AOPEP: variants seen among roughly 807,000 people sequenced by gnomAD.
AOPEP encodes aminopeptidase O (putative).
A neutral mutation model predicts 98.1 loss-of-function variants in AOPEP; 77 were observed. That is an observed-to-expected ratio of 0.78 (90% CI 0.65 to 0.95). AOPEP has a LOEUF of 0.95. Ranked by LOEUF, AOPEP falls within the 40% of genes least tolerant of loss-of-function variation. AOPEP has a pLI of 0.00. For synonymous variants in AOPEP, 346 were observed against 365.3 expected (o/e 0.95, Z 0.60); for missense variants, 1,024 against 1,024.7 (o/e 1.00, Z 0.01).
At chr9:94,989,922 A>G (rs961807654) in intron 11 of AOPEP, among the ~76,000 whole-genome samples, 19 of 152,098 alleles carry the variant, frequency 1.2e-4, no homozygotes, top group Admixed American at 3.3e-4. Flanking sequence ...TAACCCAAAC[A>G]TTTGGCTTTG....
chr9:95,073,626 G>A (rs1363003632), intron 14 of AOPEP, among the ~76,000 whole-genome samples: 1 of 152,202 alleles, frequency 6.6e-6, no homozygotes, highest in Non-Finnish European at 1.5e-5. Context: ...GGAGGCTGAG[G>A]TGGGTGGACC....
intron 13 of AOPEP, among the ~76,000 whole-genome samples, chr9:95,040,454 C>G (rs1184442378): frequency 1.3e-5 from 2 of 152,248 alleles, no homozygotes; most frequent in Non-Finnish European, 2.9e-5. Context: ...GGGGCCACCA[C>G]AGAGCCACGT....
At chr9:95,043,492 A>T (rs1432674470) in intron 13 of AOPEP, among the ~76,000 whole-genome samples, 5 of 152,190 alleles carry the variant, frequency 3.3e-5, no homozygotes, top group Non-Finnish European at 7.3e-5. Flanking sequence ...TGATTCAGTT[A>T]TAGTTTTATT....
At chr9:95,027,690 A>G (rs1011254856) in intron 13 of AOPEP, among the ~76,000 whole-genome samples, 3 of 152,214 alleles carry the variant, frequency 2.0e-5, no homozygotes, top group Non-Finnish European at 4.4e-5. Flanking sequence ...TAAAAATGCA[A>G]CTAGCAGTAT....
intron 5 of AOPEP, among the ~76,000 whole-genome samples, chr9:94,863,216 T>TCTCCCCTCTCTTCCCCTCCC: frequency 1.3e-5 from 2 of 151,014 alleles, no homozygotes; most frequent in Admixed American, 6.6e-5. Flanking sequence ...CTTTCTCTCC[T>TCTCCCCTCTCTTCCCCTCCC]CTCCCCTCTC....
chr9:94,812,717 A>C (rs1850876520), intron 5 of AOPEP, among the ~76,000 whole-genome samples: 2 of 152,108 alleles, frequency 1.3e-5, no homozygotes. Context: ...CTGAGCCTTC[A>C]AATAAGGACT....
downstream of AOPEP, among the ~76,000 whole-genome samples, chr9:95,091,344 C>T (rs994479603): frequency 2.0e-5 from 3 of 152,154 alleles, no homozygotes; most frequent in African/African-American, 7.2e-5. Flanking sequence ...ACTCTGGGTG[C>T]GCAGGGCCCA....
chr9:94,916,977 C>T (rs1474049227), intron 5 of AOPEP, among the ~76,000 whole-genome samples: 1 of 152,174 alleles, frequency 6.6e-6, no homozygotes, highest in East Asian at 1.9e-4. Flanking sequence ...GAATAAAATA[C>T]TGTTTCTCCC....
At chr9:94,767,253 A>G (rs1178611017) in intron 2 of AOPEP, among the ~76,000 whole-genome samples, 4 of 152,186 alleles carry the variant, frequency 2.6e-5, no homozygotes, top group Admixed American at 2.6e-4. Context: ...AATGCTTGGA[A>G]GGGTCGTGTT....
the AOPEP span, chr9:95,111,136 G>C: frequency 6.5e-7 from 1 of 1,534,194 alleles, no homozygotes; most frequent in Non-Finnish European, 8.7e-7. Context: ...GCCCGCCTCT[G>C]CAGGGCACGC....
chr9:94,933,358 A>G (rs2137152360), intron 7 of AOPEP: 1 of 985,448 alleles, frequency 1.0e-6, no homozygotes, highest in South Asian at 4.7e-5. Flanking sequence ...GTCAGAAGAA[A>G]TCTGTTGTTT....
intron 13 of AOPEP, among the ~76,000 whole-genome samples, chr9:95,042,426 T>C (rs2065417667): frequency 6.6e-6 from 1 of 152,228 alleles, no homozygotes; most frequent in Non-Finnish European, 1.5e-5. Context: ...AGCAATGACA[T>C]TGATTATGAG....
chr9:95,121,636 G>GACT, the AOPEP span, among the ~76,000 whole-genome samples: 2 of 152,118 alleles, frequency 1.3e-5, no homozygotes, highest in African/African-American at 4.8e-5. Flanking sequence ...TTTCACAATG[G>GACT]ACTATGCATA....
At chr9:94,765,779 TCTA>T (rs1839477804) in intron 2 of AOPEP, among the ~76,000 whole-genome samples, 1 of 152,174 alleles carries the variant, frequency 6.6e-6, no homozygotes, top group African/African-American at 2.4e-5. Context: ...TCATTATTAT[TCTA>T]CTTCTAATAT....
intron 5 of AOPEP, among the ~76,000 whole-genome samples, chr9:94,803,602 G>A (rs919107803): frequency 2.0e-5 from 3 of 152,186 alleles, no homozygotes; most frequent in Admixed American, 1.3e-4. Context: ...TGACAAATCA[G>A]TTTATAAGAA....
At chr9:94,934,579 A>G (rs1588969200) in intron 7 of AOPEP, 1 of 152,276 alleles carries the variant, frequency 6.6e-6, no homozygotes, top group African/African-American at 2.4e-5. Context: ...AAGAACTTCC[A>G]GTCCTCTGGA....
chr9:94,795,345 G>A (rs1846686538), intron 4 of AOPEP, among the ~76,000 whole-genome samples: 1 of 151,986 alleles, frequency 6.6e-6, no homozygotes, highest in African/African-American at 2.4e-5. Flanking sequence ...GTGTTGTGTT[G>A]GAACAGAAAA....
At chr9:94,746,869 AC>A (rs1834597833) in intron 1 of AOPEP, among the ~76,000 whole-genome samples, 1 of 150,892 alleles carries the variant, frequency 6.6e-6, no homozygotes, top group African/African-American at 2.4e-5. Context: ...CACATTTTAG[AC>A]CCCCTCCCCC....
chr9:95,008,425 C>T (rs921042045), intron 13 of AOPEP, among the ~76,000 whole-genome samples: 2 of 152,194 alleles, frequency 1.3e-5, no homozygotes, highest in African/African-American at 2.4e-5. Context: ...ACTCTGACCA[C>T]GGGCGCTGAG....
Sources: allele counts gnomAD v4.1 joint callset (sites outside exome capture counted in the v4.1 genomes callset), GRCh38; gene constraint gnomAD v4.1.1; transcripts MANE v1.5; gene names NCBI Gene and HGNC (gene_info 2026-07-23, HGNC 2026-07-21).